Variants in PDE3A observed in about 807,000 individuals in gnomAD.
PDE3A encodes the protein cGMP-inhibited 3',5'-cyclic phosphodiesterase 3A.
Under a neutral mutation model 98.3 loss-of-function variants are expected in PDE3A, and 43 were observed. The observed-to-expected ratio is 0.44, with a 90% CI of 0.34 to 0.56. The LOEUF is 0.56. Ranked by LOEUF, PDE3A falls within the 20% of genes least tolerant of loss-of-function variation. The probability of loss-of-function intolerance (pLI) is 0.01; values close to 1 mark genes in which losing one functional copy is unlikely to be tolerated. For missense variants in PDE3A, 1,427 were observed against 1,440.7 expected (o/e 0.99, Z 0.15); for synonymous variants, 663 against 567.9 (o/e 1.17, Z -2.38).
chr12:20,463,379 C>T (rs1468890413), intron 1 of PDE3A, among the ~76,000 whole-genome samples: 1 of 152,064 alleles, frequency 6.6e-6, no homozygotes, highest in Admixed American at 6.6e-5. Context: ...TTTGCTACCT[C>T]ACTGTGTTTT....
intron 1 of PDE3A, among the ~76,000 whole-genome samples, chr12:20,386,051 A>T (rs1444555720): frequency 1.6e-3 from 48 of 30,196 alleles, no homozygotes; most frequent in Admixed American, 3.5e-3. Flanking sequence ...AATATATATA[A>T]ATATATATAA....
At chr12:20,373,733 A>G (rs1253593689) in intron 1 of PDE3A, among the ~76,000 whole-genome samples, 2 of 152,062 alleles carry the variant, frequency 1.3e-5, no homozygotes, top group Non-Finnish European at 1.5e-5. Flanking sequence ...TTTTTTTGGG[A>G]TGGATACAAC....
intron 15 of PDE3A, among the ~76,000 whole-genome samples, chr12:20,663,621 G>A (rs1945235546): frequency 1.3e-5 from 2 of 152,170 alleles, no homozygotes; most frequent in Admixed American, 1.3e-4. Context: ...GGGACGTGTA[G>A]CCCCTTTGTT....
intron 1 of PDE3A, among the ~76,000 whole-genome samples, chr12:20,447,603 C>T (rs7962871): frequency 0.25 from 38,652 of 152,152 alleles, 5,116 homozygotes; most frequent in Admixed American, 0.37. Flanking sequence ...TACAACCACC[C>T]AGGGAGGACA....
At chr12:20,436,289 TG>T (rs1474324391) in intron 1 of PDE3A, among the ~76,000 whole-genome samples, 2 of 151,820 alleles carry the variant, frequency 1.3e-5, no homozygotes, top group South Asian at 4.2e-4. Flanking sequence ...TAGCACCACC[TG>T]GGAGAACGGG....
chr12:20,561,975 T>C (rs1942535175), intron 2 of PDE3A, among the ~76,000 whole-genome samples: 1 of 152,192 alleles, frequency 6.6e-6, no homozygotes, highest in Non-Finnish European at 1.5e-5. Context: ...CTTCTTTCTT[T>C]TTTTAAAAGT....
intron 1 of PDE3A, among the ~76,000 whole-genome samples, chr12:20,440,817 G>A (rs1013537243): frequency 1.3e-5 from 2 of 152,050 alleles, no homozygotes; most frequent in African/African-American, 4.8e-5. Context: ...TGGAGCTAGA[G>A]GTTTTCCATC....
intron 2 of PDE3A, among the ~76,000 whole-genome samples, chr12:20,606,500 C>G (rs937012979): frequency 6.6e-6 from 1 of 152,064 alleles, no homozygotes; most frequent in Admixed American, 6.6e-5. Context: ...CACACATATT[C>G]GAAGATTTCC....
chr12:20,682,833 T>C lies in PDE3A; in HGVS notation c.*2562T>C, dbSNP rs1945829346. ...GTCCATCTCTAACATAAATATTAAT[T>C]GAACATAGAGCTATGTTTGGAGTGA... On this transcript the variant is annotated 3_prime_UTR_variant, in exon 16 of 16. Coordinates refer to ENST00000359062, the MANE Select transcript of PDE3A (RefSeq NM_000921.5). The C allele has an allele frequency of 6.6e-6, 1 of 152,194 alleles. No homozygotes were observed. The highest frequency in any genetic ancestry group is 2.4e-5 in the African/African-American group (1 of 41,456). 9.4% of individuals were successfully genotyped at this position (152,194 alleles called of 1,614,324 possible). A position where few individuals can be genotyped will look rare whatever the true frequency, so the allele number is the denominator to read the frequency against.
chr12:20,440,645 G>A (rs1944855811), intron 1 of PDE3A, among the ~76,000 whole-genome samples: 1 of 152,194 alleles, frequency 6.6e-6, no homozygotes, highest in Non-Finnish European at 1.5e-5. Flanking sequence ...TCAAGGAACA[G>A]TAGGTTTACT....
chr12:20,390,533 C>T (rs765220790), intron 1 of PDE3A, among the ~76,000 whole-genome samples: 5 of 149,680 alleles, frequency 3.3e-5, no homozygotes, highest in African/African-American at 7.4e-5. Flanking sequence ...AGGGCATGAA[C>T]GCCACTTAAA....
intron 1 of PDE3A, among the ~76,000 whole-genome samples, chr12:20,471,711 T>C (rs573668594): frequency 6.6e-6 from 1 of 152,178 alleles, no homozygotes; most frequent in African/African-American, 2.4e-5. Context: ...CTGGGCAAAT[T>C]GGTGTTATTT....
At chr12:20,546,777 G>T (rs913736335) in intron 1 of PDE3A, among the ~76,000 whole-genome samples, 1 of 151,810 alleles carries the variant, frequency 6.6e-6, no homozygotes, top group Non-Finnish European at 1.5e-5. Flanking sequence ...CTAATATAAG[G>T]GTGTCTTTGT....
At chr12:20,605,098 G>A (rs748964873) in intron 2 of PDE3A, among the ~76,000 whole-genome samples, 7 of 152,078 alleles carry the variant, frequency 4.6e-5, no homozygotes, top group Non-Finnish European at 1.0e-4. Flanking sequence ...ACCTGACTTC[G>A]TTTTCAAGGG....
intron 1 of PDE3A, among the ~76,000 whole-genome samples, chr12:20,478,931 T>G (rs1419816283): frequency 6.6e-6 from 1 of 152,218 alleles, no homozygotes; most frequent in Admixed American, 6.5e-5. Context: ...CTCATGCATT[T>G]TTCTCACTGT....
intron 1 of PDE3A, among the ~76,000 whole-genome samples, chr12:20,435,281 G>T (rs1944761105): frequency 6.6e-6 from 1 of 152,062 alleles, no homozygotes; most frequent in Admixed American, 6.6e-5. Flanking sequence ...ACTAGCATTT[G>T]TATTCAGGTC....
intron 1 of PDE3A, among the ~76,000 whole-genome samples, chr12:20,419,563 A>C (rs557552574): frequency 6.6e-6 from 1 of 152,036 alleles, no homozygotes; most frequent in African/African-American, 2.4e-5. Flanking sequence ...AGTTTCACAA[A>C]AAATAAAGTC....
intron 15 of PDE3A, among the ~76,000 whole-genome samples, chr12:20,669,324 G>A (rs373008654): frequency 6.6e-5 from 10 of 152,098 alleles, no homozygotes; most frequent in Non-Finnish European, 8.8e-5. Context: ...GCAGGCCAAC[G>A]TTCAGATTCA....
At chr12:20,558,700 TA>T (rs1942434198) in intron 2 of PDE3A, among the ~76,000 whole-genome samples, 1 of 150,412 alleles carries the variant, frequency 6.6e-6, no homozygotes, top group African/African-American at 2.4e-5. Flanking sequence ...GAAATAATAA[TA>T]ATAATAATAA....
Sources: gnomAD v4.1 joint callset for allele counts (sites outside exome capture counted in the v4.1 genomes callset) on GRCh38, gnomAD v4.1.1 for gene constraint, MANE v1.5 for transcripts, NCBI Gene and HGNC (gene_info 2026-07-23, HGNC 2026-07-21) for gene names.